Variants in RCOR3 observed in about 807,000 individuals in gnomAD.
RCOR3 encodes REST corepressor 3.
A neutral mutation model predicts 64.1 loss-of-function variants in RCOR3; 13 were observed. The observed-to-expected ratio is 0.20, with a 90% CI of 0.13 to 0.32. The LOEUF (loss-of-function observed/expected upper bound fraction) is 0.32. RCOR3 is among the 10% of genes least tolerant of loss of function. The probability of loss-of-function intolerance (pLI) is 1.00; values close to 1 mark genes in which losing one functional copy is unlikely to be tolerated. For synonymous variants in RCOR3, 215 were observed against 239.0 expected, an observed-to-expected ratio of 0.90 and a Z score of 0.93; for missense variants, 489 against 701.2, an observed-to-expected ratio of 0.70 and a Z score of 3.42.
At chr1:211,260,742 G>C (rs542554215) in intron 2 of RCOR3, among the ~76,000 whole-genome samples, 46 of 152,216 alleles carry the variant, frequency 3.0e-4, no homozygotes, top group African/African-American at 9.9e-4. Flanking sequence ...CGGAGAGAAA[G>C]GGGTGGGGGA....
In RCOR3 at chr1:211,276,884, A is replaced by T. The variant is rs192946060; in HGVS notation, c.516+466A>T. ...GGCAGATCATGAGGTCAGGAGATCG[A>T]GACCATCCTGGCTAACACAGTGAAA... is the stretch of plus-strand genomic sequence containing the variant. On this transcript the variant is annotated intron_variant, in intron 5 of 11. Coordinates refer to ENST00000419091, the MANE Select transcript of RCOR3 (RefSeq NM_001136223.3). 2.4e-4 allele frequency among the ~76,000 whole-genome samples: 36 copies of T among 152,172 alleles called. No individual in the cohort carries two copies. In the East Asian group the frequency reaches 6.0e-3, roughly 25 times the overall value.
At chr1:211,290,972 G>GT (rs142791224) in intron 8 of RCOR3, among the ~76,000 whole-genome samples, 28,008 of 146,456 alleles carry the variant, frequency 0.19, 2,908 homozygotes, top group African/African-American at 0.3. Flanking sequence ...TGTTTGTTTG[G>GT]TTTTTTTTTT....
intron 10 of RCOR3, among the ~76,000 whole-genome samples, chr1:211,304,457 A>G (rs976437861): frequency 6.6e-6 from 1 of 152,238 alleles, no homozygotes; most frequent in Admixed American, 6.5e-5. Context: ...CGTTCTTACT[A>G]TATATCATTC....
rs566905831 is a variant in RCOR3, at chr1:211,314,763, T to A, written c.*995T>A. The A allele has an allele frequency of 1.3e-5, 2 of 152,308 alleles. No individual in the cohort carries two copies. Among genetic ancestry groups the A allele is most frequent in the East Asian group, 3.9e-4 (2 of 5,192 alleles). The allele number at this position is 152,308 out of a possible 1,614,324, so 9.4% of individuals were successfully genotyped here. A position where few individuals can be genotyped will look rare whatever the true frequency, so the allele number is the denominator to read the frequency against. ...TTGGTTTCTGAACTTAAAATTGCCC[T>A]CATACTTAATAATATGGTCTGCATT... On this transcript the variant is annotated 3_prime_UTR_variant, in exon 12 of 12. Coordinates refer to ENST00000419091, the MANE Select transcript of RCOR3 (RefSeq NM_001136223.3).
chr1:211,289,800 G>A (rs958628979), intron 8 of RCOR3, among the ~76,000 whole-genome samples: 1 of 152,158 alleles, frequency 6.6e-6, no homozygotes, highest in African/African-American at 2.4e-5. Flanking sequence ...ATCATTATCA[G>A]TAGTAGTACT....
Position 211,279,299 on chromosome 1 carries a change from AAAG to A in RCOR3, c.707_709del (p.Glu236del). The A allele has an allele frequency of 1.2e-6, 2 of 1,611,316 alleles. No individual in the cohort carries two copies. The highest frequency in any genetic ancestry group is 1.7e-6 in the Non-Finnish European group (2 of 1,177,910). ...GAATGATAGTGATTATGATCCCAAA[AAAG>A]AAGCCAAAAAAGAGGTAATGATGAT... On this transcript the variant is annotated inframe_deletion, in exon 7 of 12. Transcript: ENST00000419091.
At chr1:211,290,886 TGC>T (rs1699166509) in intron 8 of RCOR3, among the ~76,000 whole-genome samples, 1 of 152,182 alleles carries the variant, frequency 6.6e-6, no homozygotes, top group South Asian at 2.1e-4. Flanking sequence ...GTTAGGAAAC[TGC>T]TGAAGGACTT....
At chr1:211,271,137 A>G (rs531070057) in intron 2 of RCOR3, 95 bp from the exon 3 acceptor site, 2 of 1,052,130 alleles carry the variant, frequency 1.9e-6, no homozygotes, top group South Asian at 2.9e-5. Flanking sequence ...GATTACAGGC[A>G]TGAGCCACCG....
intron 1 of RCOR3, 175 bp downstream of exon 1, chr1:211,259,901 C>T (rs1382908301): frequency 6.8e-6 from 7 of 1,036,454 alleles, no homozygotes; most frequent in African/African-American, 1.8e-5. Flanking sequence ...CGTCCCTCCG[C>T]CCTCGACCAA....
At chr1:211,306,858 A>C (rs184885093) in intron 10 of RCOR3, among the ~76,000 whole-genome samples, 237 of 152,250 alleles carry the variant, frequency 1.6e-3, no homozygotes, top group Middle Eastern at 3.4e-3. Context: ...TTATTATGTT[A>C]ATTCTAGTTC....
intron 3 of RCOR3, among the ~76,000 whole-genome samples, chr1:211,273,737 GTTA>G (rs1332620989): frequency 6.6e-6 from 1 of 152,144 alleles, no homozygotes; most frequent in Non-Finnish European, 1.5e-5. Context: ...TAAATGTGTC[GTTA>G]TTATGTATAG....
At chr1:211,272,868 G>C (rs1012686087) in intron 3 of RCOR3, among the ~76,000 whole-genome samples, 2 of 151,562 alleles carry the variant, frequency 1.3e-5, no homozygotes, top group African/African-American at 2.4e-5. Context: ...TGATCCGCCC[G>C]CCTCGGCCTC....
At chr1:211,287,764 C>G (rs1461143090) in intron 7 of RCOR3, among the ~76,000 whole-genome samples, 2 of 152,090 alleles carry the variant, frequency 1.3e-5, no homozygotes, top group African/African-American at 4.8e-5. Context: ...GCCTGTAATC[C>G]CAGCTACTCC....
Position 211,314,478 on chromosome 1 carries a change from G to A in RCOR3, c.*710G>A, listed in dbSNP as rs1701766696. The A allele has an allele frequency of 6.6e-6, 1 of 152,096 alleles. No homozygotes were observed. The highest frequency in any genetic ancestry group is 2.1e-4 in the South Asian group (1 of 4,836). The allele number at this position is 152,096 out of a possible 1,614,324, so 9.4% of individuals were successfully genotyped here. On this transcript the variant is annotated 3_prime_UTR_variant, in exon 12 of 12. Coordinates refer to ENST00000419091, the MANE Select transcript of RCOR3 (RefSeq NM_001136223.3). ...TTTAGGGTCCTAGCGCAGAGTCCTT[G>A]TTTAAAGGTCATTGACTCATCATCT... is the stretch of plus-strand genomic sequence containing the variant.
chr1:211,289,584 A>G (rs1009188852), intron 8 of RCOR3, among the ~76,000 whole-genome samples, 188 bp downstream of exon 8: 2 of 152,192 alleles, frequency 1.3e-5, no homozygotes, highest in Admixed American at 6.5e-5. Context: ...TTTGAATCCC[A>G]GCATTGCTGC....
rs1433363544 is a variant in RCOR3 at position 211,271,260 on chromosome 1, T to C, written c.252T>C (p.Asn84=). ...CTACAAAGTACACAGATAAAGACAATGGAGGGATGCTTGTATGGTCTCCAT... is the reference window on the plus strand; with the variant it reads ...CTACAAAGTACACAGATAAAGACAACGGAGGGATGCTTGTATGGTCTCCAT... The part of the protein sequence containing the change: ...PGATKYTDKD[N]GGMLVWSPYH... The change falls in exon 3 of 12, where the codon AAT becomes AAC. Residue 84 remains asparagine (N), a synonymous_variant. Transcript: ENST00000419091. 2 of 1,613,710 alleles carry C rather than the reference T, an allele frequency of 1.2e-6. No homozygotes were observed. The highest frequency in any genetic ancestry group is 1.7e-6 in the Non-Finnish European group (2 of 1,179,838).
intron 8 of RCOR3, among the ~76,000 whole-genome samples, chr1:211,294,586 C>CTTTTTTTTTTTTTTTT (rs35962546): frequency 1.1e-5 from 1 of 88,028 alleles, no homozygotes; most frequent in Non-Finnish European, 2.2e-5. Context: ...TTCTTTCTTT[C>CTTTTTTTTTTTTTTTT]TTTTTTTTTT....
intron 10 of RCOR3, among the ~76,000 whole-genome samples, chr1:211,304,744 A>G (rs1364083279): frequency 6.6e-6 from 1 of 152,222 alleles, no homozygotes; most frequent in African/African-American, 2.4e-5. Context: ...GTTGAATTAT[A>G]TGGTAGAAGA....
At chr1:211,261,811 C>T (rs570838661) in intron 2 of RCOR3, among the ~76,000 whole-genome samples, 9 of 145,986 alleles carry the variant, frequency 6.2e-5, no homozygotes, top group Admixed American at 4.2e-4. Context: ...AACCCAGCTA[C>T]TCGGGAGGCT....
Sources: gnomAD v4.1 joint callset for allele counts (sites outside exome capture counted in the v4.1 genomes callset) on GRCh38, gnomAD v4.1.1 for gene constraint, MANE v1.5 for transcripts, NCBI Gene and HGNC (gene_info 2026-07-23, HGNC 2026-07-21) for gene names.